The following RNASEH2B variants were observed in gnomAD, a reference collection of about 807,000 sequenced individuals.
The protein encoded by RNASEH2B is ribonuclease H2 subunit B, also known as Aicardi-Goutieres syndrome 2 protein.
Under a neutral mutation model 45.0 loss-of-function variants are expected in RNASEH2B, and 36 were observed. The observed-to-expected ratio is 0.80, with a 90% CI of 0.61 to 1.06. The LOEUF (loss-of-function observed/expected upper bound fraction) is 1.06. RNASEH2B is among the 50% of genes least tolerant of loss of function. The pLI is 0.00. For missense variants in RNASEH2B, 361 were observed against 360.3 expected, an observed-to-expected ratio of 1.00 and a Z score of -0.02; for synonymous variants, 119 against 125.7, an observed-to-expected ratio of 0.95 and a Z score of 0.35.
At position 50,910,072 on chromosome 13, in the gene RNASEH2B, G is replaced by A; in HGVS notation, c.-5G>A. 1 of 1,463,826 alleles carries A rather than the reference G, an allele frequency of 6.8e-7. No individual in the cohort carries two copies. Among genetic ancestry groups the A allele is most frequent in the Middle Eastern group, 2.2e-4 (1 of 4,558 alleles). The allele number at this position is 1,463,826 out of a possible 1,614,324, so 90.7% of individuals were successfully genotyped here. On this transcript the variant is annotated 5_prime_UTR_variant, in exon 1 of 11. Coordinates refer to ENST00000336617, the MANE Select transcript of RNASEH2B (RefSeq NM_024570.4). ...GCCTGCGGCGCCCCGGAAGAGGCGG[G>A]CGGCATGGCCGCTGGCGTGGACTGC...
At position 50,930,344 on chromosome 13, in the gene RNASEH2B, A is replaced by G. The variant is rs536867466; in HGVS notation, c.245-339A>G. Among the ~76,000 whole-genome samples the G allele has an allele frequency of 1.4e-4, 21 of 152,280 alleles. No homozygotes were observed. In the South Asian group the frequency reaches 3.1e-3, roughly 23 times the overall value. On this transcript the variant is annotated intron_variant, in intron 3 of 10. Coordinates refer to ENST00000336617, the MANE Select transcript of RNASEH2B (RefSeq NM_024570.4). Reference sequence around the variant, plus strand: ...GGTTCCCTAACATTGCCGTCTTCTCATTCTGTCTGTGCTTCCTCCTAACCC... The same window carrying G: ...GGTTCCCTAACATTGCCGTCTTCTCGTTCTGTCTGTGCTTCCTCCTAACCC...
chr13:50,945,423 A>G lies in RNASEH2B; in HGVS notation c.511-4A>G, dbSNP rs1252856173. ...CTGCCTTTCCCCTCTTGGTTGCTTC[A>G]TAGGTTAATCAAACTGTGGCAGCAT... On this transcript the variant is annotated splice_polypyrimidine_tract_variant and splice_region_variant and intron_variant, in intron 6 of 10. Coordinates refer to ENST00000336617, the MANE Select transcript of RNASEH2B (RefSeq NM_024570.4). 11 of 1,605,300 alleles carry G rather than the reference A, an allele frequency of 6.9e-6. No individual in the cohort carries two copies. The African/African-American group carries it at 8.0e-5, about 12-fold the overall frequency.
chr13:50,969,447 G>A (rs1373150749), intron 9 of RNASEH2B, among the ~76,000 whole-genome samples: 2 of 145,634 alleles, frequency 1.4e-5, no homozygotes, highest in African/African-American at 5.1e-5. Flanking sequence ...TCAGCAACAA[G>A]TATATGCTTA....
Position 50,930,533 on chromosome 13 carries a change from C to T in RNASEH2B, c.245-150C>T. ...CACATTCTGCCTTTTGAGAGAATCA[C>T]ATAGACTCTGAGGCCTGTATAAGAA... On this transcript the variant is annotated intron_variant, in intron 3 of 10. Transcript: ENST00000336617. 3 of 699,382 alleles carry T rather than the reference C, an allele frequency of 4.3e-6. No individual in the cohort carries two copies. The Admixed American group carries it at 6.1e-5, about 14-fold the overall frequency. The allele number at this position is 699,382 out of a possible 1,614,324, so 43.3% of individuals were successfully genotyped here.
downstream of RNASEH2B, among the ~76,000 whole-genome samples, chr13:50,958,444 G>C (rs1952077953): frequency 6.6e-6 from 1 of 151,944 alleles, no homozygotes; most frequent in Non-Finnish European, 1.5e-5. Context: ...TCTTTCTTTG[G>C]CCTATGTGTC....
chr13:50,959,155 T>C (rs1424232150), downstream of RNASEH2B, among the ~76,000 whole-genome samples: 1 of 152,208 alleles, frequency 6.6e-6, no homozygotes. Flanking sequence ...GTCTTTTATA[T>C]TCTTTGCTAA....
chr13:50,929,654 T>C (rs1951652267), intron 3 of RNASEH2B, 72 bp downstream of exon 3: 1 of 988,030 alleles, frequency 1.0e-6, no homozygotes, highest in Non-Finnish European at 1.6e-6. Flanking sequence ...ACACGTGGGG[T>C]TGTGGGTCTG....
chr13:50,962,723 G>A (rs1952123316), intron 9 of RNASEH2B, among the ~76,000 whole-genome samples: 1 of 152,028 alleles, frequency 6.6e-6, no homozygotes, highest in African/African-American at 2.4e-5. Context: ...TTTACATAAT[G>A]TGTCTCCTCC....
In RNASEH2B at chr13:50,953,989, T is replaced by C; in HGVS notation, c.822+4T>C. On this transcript the variant is annotated splice_donor_region_variant and intron_variant, in intron 10 of 10. Transcript: ENST00000336617. The stretch of plus-strand genomic sequence containing the variant: ...TAAAGATTTGAAGACTGAAAAGGTA[T>C]GTGGGTTCAGGTGTAGTGGTGTTTC... The C allele has an allele frequency of 6.3e-7, 1 of 1,579,540 alleles. No homozygotes were observed. The highest frequency in any genetic ancestry group is 8.7e-7 in the Non-Finnish European group (1 of 1,148,670).
At chr13:50,966,281 C>G (rs1050904175) in intron 9 of RNASEH2B, among the ~76,000 whole-genome samples, 1 of 152,218 alleles carries the variant, frequency 6.6e-6, no homozygotes, top group African/African-American at 2.4e-5. Context: ...TCTACATAGC[C>G]TGTCCTTTAG....
At position 50,929,596 on chromosome 13, in the gene RNASEH2B, G is replaced by T; in HGVS notation, c.244+14G>T. Reference sequence around the variant, plus strand: ...CAGTTCAATCAGGTAGGTGACTAGTGTAAGCATTTCCAATAACTAAACACA... The same window carrying T: ...CAGTTCAATCAGGTAGGTGACTAGTTTAAGCATTTCCAATAACTAAACACA... On this transcript the variant is annotated intron_variant, in intron 3 of 10. Coordinates refer to ENST00000336617, the MANE Select transcript of RNASEH2B (RefSeq NM_024570.4). 1 of 1,489,780 alleles carries T rather than the reference G, an allele frequency of 6.7e-7. No individual in the cohort carries two copies. Among genetic ancestry groups the T allele is most frequent in the East Asian group, 2.3e-5 (1 of 44,254 alleles). 92.3% of individuals were successfully genotyped at this position (1,489,780 alleles called of 1,614,324 possible).
chr13:50,965,659 C>G (rs1186095066), intron 9 of RNASEH2B, among the ~76,000 whole-genome samples: 1 of 152,114 alleles, frequency 6.6e-6, no homozygotes, highest in Admixed American at 6.5e-5. Flanking sequence ...ATTTGAAGTC[C>G]AAGGACTTAT....
At chr13:50,960,341 A>G (rs924654037), downstream of RNASEH2B, among the ~76,000 whole-genome samples, 3 of 152,084 alleles carry the variant, frequency 2.0e-5, no homozygotes, top group African/African-American at 7.2e-5. Flanking sequence ...CTCTTTTATT[A>G]TATATTTTAC....
chr13:50,922,137 C>G (rs1422727484), intron 1 of RNASEH2B, among the ~76,000 whole-genome samples: 1 of 152,130 alleles, frequency 6.6e-6, no homozygotes, highest in East Asian at 1.9e-4. Flanking sequence ...CCACAGAGCC[C>G]TATCTTCAGG....
At chr13:50,954,190 A>C (rs1261843206) in intron 10 of RNASEH2B, 1 of 631,180 alleles carries the variant, frequency 1.6e-6, no homozygotes, top group Non-Finnish European at 2.8e-6. Context: ...GTCAGAGAAA[A>C]ACAATATACT....
Position 50,910,082 on chromosome 13 carries a change from C to A in RNASEH2B, c.6C>A (p.Ala2=). M[A]AGVDCGDGVG... ...CCCCGGAAGAGGCGGGCGGCATGGC[C>A]GCTGGCGTGGACTGCGGGGACGGGG... Residue 2 remains alanine (A), a synonymous_variant, in exon 1 of 11, where the codon GCC becomes GCA. Transcript: ENST00000336617. 6.8e-7 allele frequency: 1 copy of A among 1,465,386 alleles called. No homozygotes were observed. Among genetic ancestry groups the A allele is most frequent in the South Asian group, 1.3e-5 (1 of 74,790 alleles). 90.8% of individuals were successfully genotyped at this position (1,465,386 alleles called of 1,614,324 possible). A position where few individuals can be genotyped will look rare whatever the true frequency, so the allele number is the denominator to read the frequency against.
intron 1 of RNASEH2B, chr13:50,921,362 A>T (rs906342822): frequency 1.3e-5 from 2 of 152,004 alleles, no homozygotes; most frequent in African/African-American, 4.8e-5. Context: ...CCTTCCTCAC[A>T]CTCCCTCTTT....
At chr13:50,965,875 G>T (rs115855362) in intron 9 of RNASEH2B, among the ~76,000 whole-genome samples, 1,536 of 152,278 alleles carry the variant, frequency 0.01, 24 homozygotes, top group African/African-American at 0.034. Flanking sequence ...AATTATTGCA[G>T]TTTGAGAATA....
At chr13:50,929,785 C>T (rs775272799) in intron 3 of RNASEH2B, among the ~76,000 whole-genome samples, 4 of 152,046 alleles carry the variant, frequency 2.6e-5, no homozygotes, top group Non-Finnish European at 4.4e-5. Context: ...GTGTCTTAGA[C>T]GGTAGGAAGT....
Sources: allele counts gnomAD v4.1 joint callset (sites outside exome capture counted in the v4.1 genomes callset), GRCh38; gene constraint gnomAD v4.1.1; transcripts MANE v1.5; gene names NCBI Gene and HGNC (gene_info 2026-07-23, HGNC 2026-07-21).